The following LRP2 variants were observed in gnomAD, a reference collection of about 807,000 sequenced individuals.
LRP2 encodes the protein low-density lipoprotein receptor-related protein 2.
Under a neutral mutation model 531.0 loss-of-function variants are expected in LRP2, and 172 were observed. That is an observed-to-expected ratio of 0.32 (90% CI 0.29 to 0.37). The LOEUF (loss-of-function observed/expected upper bound fraction) is 0.37, where lower values mean the gene tolerates loss of function less well. LRP2 is among the 10% of genes least tolerant of loss of function. The pLI, the probability that LRP2 is intolerant of heterozygous loss-of-function variation, is 1.00. For missense variants in LRP2, 5,167 were observed against 5,868.3 expected (o/e 0.88, Z 3.90); for synonymous variants, 1,992 against 2,027.6 (o/e 0.98, Z 0.47).
At chr2:169,190,016 G>A (rs989653480) in intron 48 of LRP2, among the ~76,000 whole-genome samples, 5 of 152,106 alleles carry the variant, frequency 3.3e-5, no homozygotes, top group African/African-American at 1.2e-4. Context: ...GAGATAACTT[G>A]GAGTCTGATC....
chr2:169,312,861 G>A (rs572885814), intron 3 of LRP2, among the ~76,000 whole-genome samples: 1 of 152,050 alleles, frequency 6.6e-6, no homozygotes, highest in Non-Finnish European at 1.5e-5. Flanking sequence ...AGATTTGGTC[G>A]TTTCACATAG....
Position 169,246,878 on chromosome 2 carries a change from A to T in LRP2, c.3017T>A (p.Leu1006Gln), listed in dbSNP as rs1253336379. ...CTCGCATGTCAAGTGATTGGAAGCC[A>T]GCCTCATTCCATAAGGGCACCCACA... The part of the protein sequence containing the change: ...RVCGCPYGMR[L>Q]ASNHLTCEGD... The change falls in exon 21 of 79, where the codon CTG becomes CAG. Residue 1006 changes from leucine (L) to glutamine (Q), a missense_variant. Coordinates refer to ENST00000649046, the MANE Select transcript of LRP2 (RefSeq NM_004525.3). 6.2e-7 allele frequency: 1 copy of T among 1,614,116 alleles called. No homozygotes were observed. Among genetic ancestry groups the T allele is most frequent in the Non-Finnish European group, 8.5e-7 (1 of 1,180,054 alleles).
chr2:169,285,219 G>A (rs1683823094), intron 9 of LRP2, among the ~76,000 whole-genome samples: 1 of 151,828 alleles, frequency 6.6e-6, no homozygotes, highest in Non-Finnish European at 1.5e-5. Flanking sequence ...CTATTCGGGA[G>A]GCTGAAGTGG....
chr2:169,360,733 T>A (rs114731996), intron 1 of LRP2, among the ~76,000 whole-genome samples: 27 of 152,288 alleles, frequency 1.8e-4, no homozygotes, highest in Non-Finnish European at 3.1e-4. Flanking sequence ...CAAAGGAAGG[T>A]TATTAATGAT....
chr2:169,220,930 T>A (rs1359920240), intron 33 of LRP2, among the ~76,000 whole-genome samples: 1 of 151,914 alleles, frequency 6.6e-6, no homozygotes, highest in African/African-American at 2.4e-5. Context: ...GGAAGACAAA[T>A]GAGAACCCCA....
Position 169,139,332 on chromosome 2 carries a change from A to T in LRP2, c.13307T>A (p.Val4436Glu). ...TCCTGCAATTGCCAGAGCTCCAATT[A>T]CGACGATCAAGAGGATTGTCAACAG... ...AVLLTILLIV[V>E]IGALAIAGFF... is the part of the protein sequence containing the mutation. Residue 4436 changes from valine (V) to glutamate (E), a missense_variant, in exon 74 of 79, where the codon GTA (valine) becomes GAA (glutamate). Around this residue, in one of 6 missense-constraint regions of LRP2, gnomAD observed 348 missense variants for 369.3 expected, o/e 0.94. Coordinates refer to ENST00000649046, the MANE Select transcript of LRP2 (RefSeq NM_004525.3). 6.2e-7 allele frequency: 1 copy of T among 1,614,138 alleles called. No homozygotes were observed. Among genetic ancestry groups the T allele is most frequent in the Non-Finnish European group, 8.5e-7 (1 of 1,180,016 alleles).
intron 67 of LRP2, among the ~76,000 whole-genome samples, chr2:169,152,355 A>G (rs948575784): frequency 2.0e-5 from 3 of 152,190 alleles, no homozygotes; most frequent in Admixed American, 6.5e-5. Context: ...GATAACTACC[A>G]TAGAAAAAAA....
chr2:169,135,117 C>T lies in LRP2; in HGVS notation c.13620+2275G>A, dbSNP rs371050496. Among the ~76,000 whole-genome samples, 7 of 152,326 alleles carry T rather than the reference C, an allele frequency of 4.6e-5. No individual in the cohort carries two copies. In the East Asian group the frequency reaches 9.7e-4, roughly 21 times the overall value. ...CTATTCTGTCATCATTTCATAACCTCTTCCATGTAGGTTACAAGCCACTAG... is the reference window on the plus strand; with the variant it reads ...CTATTCTGTCATCATTTCATAACCTTTTCCATGTAGGTTACAAGCCACTAG... On this transcript the variant is annotated intron_variant, in intron 76 of 78. Transcript: ENST00000649046.
At chr2:169,209,041 T>A (rs1246621844) in intron 38 of LRP2, among the ~76,000 whole-genome samples, 2 of 152,206 alleles carry the variant, frequency 1.3e-5, no homozygotes, top group Non-Finnish European at 2.9e-5. Context: ...ATTAAGAATT[T>A]GGCAACTAAA....
chr2:169,300,890 A>G (rs3914468), intron 4 of LRP2, among the ~76,000 whole-genome samples: 46,841 of 151,998 alleles, frequency 0.31, 7,861 homozygotes, highest in East Asian at 0.61. Flanking sequence ...CACAGTCCAC[A>G]AAATGACTTT....
In LRP2 at chr2:169,294,616, T is replaced by C. The variant is rs757018500; in HGVS notation, c.522A>G (p.Ser174=). The C allele has an allele frequency of 6.2e-7, 1 of 1,612,068 alleles. No homozygotes were observed. Among genetic ancestry groups the C allele is most frequent in the Non-Finnish European group, 8.5e-7 (1 of 1,178,610 alleles). ...CDWKVDCRDS[S]DEINCTEICL... Reference sequence around the variant, plus strand: ...AATACTTACTGCAGTTGATTTCATCTGAGGAGTCCCTGCAATCAACTTTCC... The same window carrying C: ...AATACTTACTGCAGTTGATTTCATCCGAGGAGTCCCTGCAATCAACTTTCC... Residue 174 remains serine (S), a synonymous_variant, in exon 5 of 79, where the codon TCA becomes TCG. Coordinates refer to ENST00000649046, the MANE Select transcript of LRP2 (RefSeq NM_004525.3).
intron 66 of LRP2, 75 bp from the exon 67 acceptor site, chr2:169,153,039 GA>G: frequency 1.5e-6 from 2 of 1,372,228 alleles, no homozygotes; most frequent in Non-Finnish European, 2.1e-6. Context: ...CTAATCAGGT[GA>G]AGTACTGTTC....
Position 169,320,690 on chromosome 2 carries a change from A to G in LRP2, c.187+87T>C. 3 of 1,117,744 alleles carry G rather than the reference A, an allele frequency of 2.7e-6. No individual in the cohort carries two copies. In the Admixed American group the frequency reaches 5.2e-5, roughly 19 times the overall value. 69.2% of individuals were successfully genotyped at this position (1,117,744 alleles called of 1,614,324 possible). On this transcript the variant is annotated intron_variant, in intron 2 of 78. Coordinates refer to ENST00000649046, the MANE Select transcript of LRP2 (RefSeq NM_004525.3). The stretch of plus-strand genomic sequence containing the variant: ...AGACCTGGCTCTGTCACTAAAAGGC[A>G]TAGCTCTTCTCTTTGTTACAGCTGA...
chr2:169,270,242 C>A (rs942810060), intron 16 of LRP2, among the ~76,000 whole-genome samples: 24 of 152,210 alleles, frequency 1.6e-4, no homozygotes, highest in African/African-American at 5.8e-4. Flanking sequence ...TTGACCCAGC[C>A]ATCCCATTAC....
chr2:169,309,289 G>T (rs1177782004), intron 3 of LRP2, among the ~76,000 whole-genome samples: 1 of 152,112 alleles, frequency 6.6e-6, no homozygotes, highest in Non-Finnish European at 1.5e-5. Context: ...TAGACATGAA[G>T]TCCTTGCCCA....
chr2:169,247,267 C>T, intron 20 of LRP2, 111 bp downstream of exon 20: 1 of 1,165,866 alleles, frequency 8.6e-7, no homozygotes, highest in Non-Finnish European at 1.2e-6. Flanking sequence ...GAATATAAAA[C>T]TACCAGGAGC....
intron 3 of LRP2, among the ~76,000 whole-genome samples, chr2:169,310,161 A>T (rs1684552428): frequency 6.6e-6 from 1 of 152,192 alleles, no homozygotes; most frequent in South Asian, 2.1e-4. Flanking sequence ...CAATCATGTC[A>T]TCTGCAAACG....
Position 169,197,000 on chromosome 2 carries a change from T to C in LRP2, c.8609A>G (p.Gln2870Arg), listed in dbSNP as rs760630762. 2.9e-5 allele frequency: 46 copies of C among 1,613,970 alleles called. No homozygotes were observed. In the African/African-American group the frequency reaches 3.6e-4, roughly 13 times the overall value. The change falls in exon 46 of 79, where the codon CAA becomes CGA. Residue 2870 changes from glutamine (Q) to arginine (R), a missense_variant. Gln to Arg is a conservative substitution (Grantham distance 43). This residue lies in a region of LRP2 where 1,129 missense variants were observed against 1,362.7 expected (regional missense o/e 0.83). Coordinates refer to ENST00000649046, the MANE Select transcript of LRP2 (RefSeq NM_004525.3). ...AGGAATACAGCGCCCAGATGCGCAT[T>C]GGAACTCACTGCTGCTGCACGTGTG... ...TTHTCSSSEFQCASGRCIPQH... is the reference protein window; with the variant it reads ...TTHTCSSSEFRCASGRCIPQH...
intron 1 of LRP2, among the ~76,000 whole-genome samples, chr2:169,327,789 CGTCTGGG>C: frequency 8.7e-6 from 1 of 115,596 alleles, no homozygotes; most frequent in Non-Finnish European, 1.8e-5. Flanking sequence ...CCAGCCGCCC[CGTCTGGG>C]AGGTGAGGGG....
Sources: gnomAD v4.1 joint callset for allele counts (sites outside exome capture counted in the v4.1 genomes callset) on GRCh38, gnomAD v4.1.1 for gene constraint, gnomAD v4.1.1 regional missense constraint, MANE v1.5 for transcripts, NCBI Gene and HGNC (gene_info 2026-07-23, HGNC 2026-07-21) for gene names.